CCDC192: variants seen among roughly 807,000 people sequenced by gnomAD.
CCDC192 encodes coiled-coil domain containing 192, also known as coiled-coil domain-containing protein 192.
rs573170640 is a variant in CCDC192, at chr5:127,830,132, A to G, written c.411+31970A>G. The stretch of plus-strand genomic sequence containing the variant: ...GGGGGAAAAACAGTGCAAGGCTCAC[A>G]TGCAAAAAATACACAGATGCCTTTC... On this transcript the variant is annotated intron_variant, in intron 5 of 6. Transcript: ENST00000514853. Among the ~76,000 whole-genome samples, 75 of 151,836 alleles carry G rather than the reference A, an allele frequency of 4.9e-4. 1 individual carries two copies. The highest frequency in any genetic ancestry group is 1.7e-3 in the African/African-American group (71 of 41,308).
At chr5:127,738,847 T>C (rs1210870919) in intron 2 of CCDC192, among the ~76,000 whole-genome samples, 1 of 152,094 alleles carries the variant, frequency 6.6e-6, no homozygotes, top group African/African-American at 2.4e-5. Flanking sequence ...TTTTTTTCAG[T>C]TTTCAACTTC....
At chr5:127,771,801 A>G (rs376373730) in intron 3 of CCDC192, among the ~76,000 whole-genome samples, 15 of 152,346 alleles carry the variant, frequency 9.8e-5, no homozygotes, top group Middle Eastern at 6.8e-3. Context: ...TCCTTGTCCA[A>G]TGACCAGCAA....
intron 6 of CCDC192, among the ~76,000 whole-genome samples, chr5:127,906,848 C>T (rs1753210745): frequency 2.6e-5 from 4 of 152,100 alleles, no homozygotes; most frequent in African/African-American, 9.7e-5. Flanking sequence ...CTTTTGGGTA[C>T]ATAGCTAGAA....
intron 2 of CCDC192, among the ~76,000 whole-genome samples, chr5:127,718,874 A>G (rs1751795924): frequency 6.6e-6 from 1 of 152,184 alleles, no homozygotes; most frequent in African/African-American, 2.4e-5. Flanking sequence ...CATCACCTCA[A>G]GCTTTTATAT....
intron 6 of CCDC192, among the ~76,000 whole-genome samples, chr5:127,890,427 A>G (rs901278491): frequency 1.3e-5 from 2 of 151,046 alleles, no homozygotes; most frequent in Non-Finnish European, 2.9e-5. Context: ...CCTGGTCAAC[A>G]GAATGGCAGT....
intron 6 of CCDC192, among the ~76,000 whole-genome samples, chr5:127,898,057 C>G (rs1288583378): frequency 1.3e-5 from 2 of 150,926 alleles, no homozygotes; most frequent in African/African-American, 2.4e-5. Flanking sequence ...TTAACGGGGC[C>G]TGAAAGAGAC....
At chr5:127,846,830 A>AC (rs1316534015) in intron 5 of CCDC192, among the ~76,000 whole-genome samples, 6 of 149,002 alleles carry the variant, frequency 4.0e-5, no homozygotes, top group Non-Finnish European at 9.0e-5. Flanking sequence ...AAAAAAAAAA[A>AC]AAAAAAAAAA....
At chr5:127,782,997 G>GT (rs576250474) in intron 3 of CCDC192, among the ~76,000 whole-genome samples, 14,174 of 138,690 alleles carry the variant, frequency 0.1, 894 homozygotes, top group Middle Eastern at 0.19. Context: ...TAGAGGTGGG[G>GT]TTTTTTTTTT....
intron 6 of CCDC192, among the ~76,000 whole-genome samples, chr5:127,880,487 G>A (rs1212403426): frequency 6.7e-6 from 1 of 149,260 alleles, no homozygotes; most frequent in Non-Finnish European, 1.5e-5. Context: ...AGCACTGGGA[G>A]ATATACCTAA....
chr5:127,747,052 T>G (rs1276073402), intron 2 of CCDC192, among the ~76,000 whole-genome samples: 1 of 151,716 alleles, frequency 6.6e-6, no homozygotes, highest in East Asian at 1.9e-4. Flanking sequence ...TTAAGGTATG[T>G]AGGAATGCAG....
intron 3 of CCDC192, among the ~76,000 whole-genome samples, chr5:127,762,058 G>GT (rs111565791): frequency 0.061 from 9,141 of 150,390 alleles, 594 homozygotes; most frequent in East Asian, 0.27. Context: ...AAAATGCTCT[G>GT]TTTTTTTTTC....
chr5:127,737,415 G>C (rs1753085783), intron 2 of CCDC192, among the ~76,000 whole-genome samples: 1 of 151,968 alleles, frequency 6.6e-6, no homozygotes, highest in African/African-American at 2.4e-5. Context: ...TGTTGATTTG[G>C]GGTGGAGAGT....
chr5:127,792,252 G>A (rs981951899), intron 3 of CCDC192, among the ~76,000 whole-genome samples: 3 of 152,176 alleles, frequency 2.0e-5, no homozygotes, highest in African/African-American at 7.2e-5. Context: ...CGAGGCCTCA[G>A]GAAACTTACA....
intron 3 of CCDC192, among the ~76,000 whole-genome samples, chr5:127,771,418 C>G (rs898126012): frequency 6.6e-6 from 1 of 151,982 alleles, no homozygotes; most frequent in Non-Finnish European, 1.5e-5. Context: ...GATTGTTTTA[C>G]GAAGTTTTGG....
At chr5:127,881,086 A>C (rs559799562) in intron 6 of CCDC192, among the ~76,000 whole-genome samples, 1 of 152,366 alleles carries the variant, frequency 6.6e-6, no homozygotes, top group African/African-American at 2.4e-5. Flanking sequence ...AATGAACAAA[A>C]GACCTTCATG....
At chr5:127,875,491 T>C (rs1331439976) in intron 5 of CCDC192, 47 bp from the exon 6 acceptor site, 1 of 396,166 alleles carries the variant, frequency 2.5e-6, no homozygotes, top group Non-Finnish European at 4.4e-6. Flanking sequence ...ATTTCTTTGA[T>C]GCGTCTGTCC....
intron 5 of CCDC192, among the ~76,000 whole-genome samples, chr5:127,865,112 A>G (rs1379192450): frequency 6.6e-6 from 1 of 152,116 alleles, no homozygotes; most frequent in East Asian, 1.9e-4. Context: ...ACGACACTGC[A>G]CTCCAGCCTG....
At chr5:127,704,833 C>G (rs958442721) in intron 1 of CCDC192, among the ~76,000 whole-genome samples, 5 of 146,982 alleles carry the variant, frequency 3.4e-5, no homozygotes, top group African/African-American at 1.3e-4. Context: ...AGCGAAACTC[C>G]ATCTAAAATA....
intron 5 of CCDC192, among the ~76,000 whole-genome samples, chr5:127,802,859 T>A (rs952949839): frequency 3.9e-5 from 6 of 152,176 alleles, no homozygotes; most frequent in Non-Finnish European, 7.4e-5. Context: ...CCTTTATATA[T>A]CAGGGAAAAT....
Sources: allele counts gnomAD v4.1 joint callset (sites outside exome capture counted in the v4.1 genomes callset), GRCh38; gene constraint gnomAD v4.1.1; transcripts MANE v1.5; gene names NCBI Gene and HGNC (gene_info 2026-07-23, HGNC 2026-07-21).